The following AGAP1 variants were observed in gnomAD, a reference collection of about 807,000 sequenced individuals.
AGAP1 encodes ArfGAP with GTPase domain, ankyrin repeat and PH domain 1.
A neutral mutation model predicts 105.3 loss-of-function variants in AGAP1; 29 were observed. That is an observed-to-expected ratio of 0.28 (90% confidence interval 0.21 to 0.38). The LOEUF (loss-of-function observed/expected upper bound fraction) is 0.38, where lower values mean the gene tolerates loss of function less well. AGAP1 is among the 10% of genes least tolerant of loss of function. AGAP1 has a pLI of 1.00. For missense variants in AGAP1, 998 were observed against 1,165.1 expected (o/e 0.86, Z 2.09); for synonymous variants, 509 against 485.9 (o/e 1.05, Z -0.63).
In AGAP1 at chr2:235,888,999, G is replaced by A. The variant is rs1482723171; in HGVS notation, c.1155+5550G>A. Among the ~76,000 whole-genome samples, 1 of 152,178 alleles carries A rather than the reference G, an allele frequency of 6.6e-6. No individual in the cohort carries two copies. Among genetic ancestry groups the A allele is most frequent in the Non-Finnish European group, 1.5e-5 (1 of 68,040 alleles). ...GATGCCCTTAGGAAAAGATCTCCCT[G>A]AAGAGGTCATTTCTGTTCCTGAGGT... On this transcript the variant is annotated intron_variant, in intron 10 of 17. Coordinates refer to ENST00000304032, the MANE Select transcript of AGAP1 (RefSeq NM_001037131.3). This position sits in a 1 kb window ranked among gnomAD's most constrained non-coding sequence, Gnocchi z 4.8.
In AGAP1 at chr2:235,982,217, A is replaced by G. The variant is rs140890134; in HGVS notation, c.1645+13594A>G. Among the ~76,000 whole-genome samples, 61 of 152,346 alleles carry G rather than the reference A, an allele frequency of 4.0e-4. No individual in the cohort carries two copies. The East Asian group carries it at 0.01, about 26-fold the overall frequency. On this transcript the variant is annotated intron_variant, in intron 13 of 17. Transcript: ENST00000304032. The surrounding 1 kb of genome is among the most constrained non-coding windows in gnomAD (Gnocchi z 4.9). ...TAATTTTACCTGGACAAGTAAATCC[A>G]TTTCTCACATTTAAAGAGAATCAAA...
intron 12 of AGAP1, among the ~76,000 whole-genome samples, chr2:235,956,729 C>T (rs2053966343): frequency 6.6e-6 from 1 of 152,226 alleles, no homozygotes; most frequent in Non-Finnish European, 1.5e-5. Context: ...CAGCTCAAGA[C>T]TGGGACCTCC....
At chr2:236,048,220 GT>G (rs1559224797) in intron 15 of AGAP1, among the ~76,000 whole-genome samples, 1 of 152,218 alleles carries the variant, frequency 6.6e-6, no homozygotes, top group Non-Finnish European at 1.5e-5. Flanking sequence ...AGATTCTAGC[GT>G]GAAGTCAACC....
rs199729717 is a variant in AGAP1, at chr2:235,971,741, T to TTTTA, written c.1645+3161_1645+3164dup. Among the ~76,000 whole-genome samples the TTTTA allele has an allele frequency of 0.11, 16,154 of 145,644 alleles. 1,165 individuals carry two copies. Among genetic ancestry groups the TTTTA allele is most frequent in the African/African-American group, 0.21 (8,143 of 38,876 alleles). On this transcript the variant is annotated intron_variant, in intron 13 of 17. Coordinates refer to ENST00000304032, the MANE Select transcript of AGAP1 (RefSeq NM_001037131.3). This position sits in a 1 kb window ranked among gnomAD's most constrained non-coding sequence, Gnocchi z 4.8. ...ACTAAAGCTAGTTATATATGTTTTATTTTATTTATTTATTTATTTATTTAT... is the reference window on the plus strand; with the variant it reads ...ACTAAAGCTAGTTATATATGTTTTATTTTATTTATTTATTTATTTATTTATTTAT...
Position 236,083,902 on chromosome 2 carries a change from C to T in AGAP1, c.2114+34621C>T, listed in dbSNP as rs935565695. ...GTGCGTGTGTATGCACACACACGTGCACACATACACACACAGGCACACATA... is the reference window on the plus strand; with the variant it reads ...GTGCGTGTGTATGCACACACACGTGTACACATACACACACAGGCACACATA... On this transcript the variant is annotated intron_variant, in intron 16 of 17. Coordinates refer to ENST00000304032, the MANE Select transcript of AGAP1 (RefSeq NM_001037131.3). The surrounding 1 kb of genome is among the most constrained non-coding windows in gnomAD (Gnocchi z 5.3). Among the ~76,000 whole-genome samples the T allele has an allele frequency of 6.6e-6, 1 of 152,094 alleles. No individual in the cohort carries two copies. Among genetic ancestry groups the T allele is most frequent in the African/African-American group, 2.4e-5 (1 of 41,388 alleles).
In AGAP1 at chr2:235,733,646, T is replaced by G. The variant is rs987193957; in HGVS notation, c.311-7317T>G. Among the ~76,000 whole-genome samples the G allele has an allele frequency of 1.3e-5, 2 of 152,182 alleles. No homozygotes were observed. The highest frequency in any genetic ancestry group is 6.5e-5 in the Admixed American group (1 of 15,278). On this transcript the variant is annotated intron_variant, in intron 3 of 17. Coordinates refer to ENST00000304032, the MANE Select transcript of AGAP1 (RefSeq NM_001037131.3). The surrounding 1 kb of genome is among the most constrained non-coding windows in gnomAD (Gnocchi z 5.0). ...GTTCTGTGTTCCTTTTGTACCTTACTTAGATCTCGGTTAAATGAAACCATG... is the reference window on the plus strand; with the variant it reads ...GTTCTGTGTTCCTTTTGTACCTTACGTAGATCTCGGTTAAATGAAACCATG...
chr2:235,896,143 G>GT (rs2050797658), intron 10 of AGAP1, among the ~76,000 whole-genome samples: 1 of 152,104 alleles, frequency 6.6e-6, no homozygotes, highest in African/African-American at 2.4e-5. Context: ...CAGCATTCCA[G>GT]TTTCTGTCTC....
At chr2:235,929,615 C>T (rs1242961818) in intron 11 of AGAP1, among the ~76,000 whole-genome samples, 1 of 152,282 alleles carries the variant, frequency 6.6e-6, no homozygotes, top group Non-Finnish European at 1.5e-5. Context: ...GGTTCCGTGG[C>T]TTCCCAGTGC....
intron 9 of AGAP1, among the ~76,000 whole-genome samples, chr2:235,837,169 G>A (rs1015539099): frequency 6.6e-6 from 1 of 152,194 alleles, no homozygotes; most frequent in African/African-American, 2.4e-5. Context: ...ATTTTTAGTA[G>A]AGACAGGCTT....
chr2:236,029,071 A>G (rs531816303), intron 13 of AGAP1, among the ~76,000 whole-genome samples: 3 of 152,152 alleles, frequency 2.0e-5, no homozygotes, highest in East Asian at 1.9e-4. Flanking sequence ...ACAAGGCCCT[A>G]TGACATCGTA....
chr2:235,614,888 G>A lies in AGAP1; in HGVS notation c.164-94291G>A, dbSNP rs969044719. The stretch of plus-strand genomic sequence containing the variant: ...AGCTGAGATGTTTTCTCTACTCAGG[G>A]CCCAATGCCGTATGTGATATTTTAC... On this transcript the variant is annotated intron_variant, in intron 1 of 17. Coordinates refer to ENST00000304032, the MANE Select transcript of AGAP1 (RefSeq NM_001037131.3). This position sits in a 1 kb window ranked among gnomAD's most constrained non-coding sequence, Gnocchi z 4.7. Among the ~76,000 whole-genome samples, 1 of 152,102 alleles carries A rather than the reference G, an allele frequency of 6.6e-6. No individual in the cohort carries two copies. The highest frequency in any genetic ancestry group is 2.4e-5 in the African/African-American group (1 of 41,424).
At position 236,109,399 on chromosome 2, in the gene AGAP1, T is replaced by C. The variant is rs1024346869; in HGVS notation, c.2115-10793T>C. ...TTCATTCTAAAATTCCATGAATTATTATTCATCTTTGTAATTATTATAAAT... is the reference window on the plus strand; with the variant it reads ...TTCATTCTAAAATTCCATGAATTATCATTCATCTTTGTAATTATTATAAAT... On this transcript the variant is annotated intron_variant, in intron 16 of 17. Coordinates refer to ENST00000304032, the MANE Select transcript of AGAP1 (RefSeq NM_001037131.3). This position sits in a 1 kb window ranked among gnomAD's most constrained non-coding sequence, Gnocchi z 5.4. Among the ~76,000 whole-genome samples, 1 of 152,146 alleles carries C rather than the reference T, an allele frequency of 6.6e-6. No homozygotes were observed. The highest frequency in any genetic ancestry group is 2.4e-5 in the African/African-American group (1 of 41,440).
At chr2:235,920,668 A>C (rs549650672) in intron 11 of AGAP1, among the ~76,000 whole-genome samples, 2 of 152,342 alleles carry the variant, frequency 1.3e-5, no homozygotes, top group South Asian at 4.1e-4. Flanking sequence ...CACTAAAGCA[A>C]ACAGGAGGCA....
Position 235,919,886 on chromosome 2 carries a change from A to G in AGAP1, c.1325-10879A>G, listed in dbSNP as rs1423438069. ...TTGCATCAGCTTGTCCATATAACCCATACCAGGAGATGGATTGTGGCCAAG... is the reference window on the plus strand; with the variant it reads ...TTGCATCAGCTTGTCCATATAACCCGTACCAGGAGATGGATTGTGGCCAAG... On this transcript the variant is annotated intron_variant, in intron 11 of 17. Coordinates refer to ENST00000304032, the MANE Select transcript of AGAP1 (RefSeq NM_001037131.3). The surrounding 1 kb of genome is among the most constrained non-coding windows in gnomAD (Gnocchi z 4.1). Among the ~76,000 whole-genome samples, 1 of 152,188 alleles carries G rather than the reference A, an allele frequency of 6.6e-6. No homozygotes were observed. Among genetic ancestry groups the G allele is most frequent in the East Asian group, 1.9e-4 (1 of 5,186 alleles).
rs2059975800 is a variant in AGAP1 at position 236,124,680 on chromosome 2, C to T, written c.*558C>T. On this transcript the variant is annotated 3_prime_UTR_variant, in exon 18 of 18. Coordinates refer to ENST00000304032, the MANE Select transcript of AGAP1 (RefSeq NM_001037131.3). This position sits in a 1 kb window ranked among gnomAD's most constrained non-coding sequence, Gnocchi z 5.1. ...ATCTGTCCAGGGAGAATACTGGCTT[C>T]ATTACACTTGTACAGCCGAGTTCTT... 1 of 159,430 alleles carries T rather than the reference C, an allele frequency of 6.3e-6. No homozygotes were observed. The highest frequency in any genetic ancestry group is 1.4e-5 in the Non-Finnish European group (1 of 71,624). 9.9% of individuals were successfully genotyped at this position (159,430 alleles called of 1,614,324 possible).
At position 236,104,105 on chromosome 2, in the gene AGAP1, G is replaced by A. The variant is rs1399713345; in HGVS notation, c.2115-16087G>A. On this transcript the variant is annotated intron_variant, in intron 16 of 17. Transcript: ENST00000304032. This position sits in a 1 kb window ranked among gnomAD's most constrained non-coding sequence, Gnocchi z 4.7. ...GGTACTTCCCACTTGCATTTAGGTGGGGGGCCTTGGGCAGTGGGTCTGCCC... is the reference window on the plus strand; with the variant it reads ...GGTACTTCCCACTTGCATTTAGGTGAGGGGCCTTGGGCAGTGGGTCTGCCC... Among the ~76,000 whole-genome samples, 1 of 152,262 alleles carries A rather than the reference G, an allele frequency of 6.6e-6. No homozygotes were observed. The highest frequency in any genetic ancestry group is 1.5e-5 in the Non-Finnish European group (1 of 68,044).
intron 3 of AGAP1, among the ~76,000 whole-genome samples, chr2:235,730,674 A>G (rs1951897458): frequency 6.6e-6 from 1 of 152,060 alleles, no homozygotes; most frequent in Non-Finnish European, 1.5e-5. Flanking sequence ...TAAATGTATA[A>G]AATATTAAAA....
chr2:235,723,444 C>A lies in AGAP1; in HGVS notation c.310+5800C>A, dbSNP rs1306221753. 6.6e-6 allele frequency among the ~76,000 whole-genome samples: 1 copy of A among 152,154 alleles called. No homozygotes were observed. Among genetic ancestry groups the A allele is most frequent in the Non-Finnish European group, 1.5e-5 (1 of 68,026 alleles). On this transcript the variant is annotated intron_variant, in intron 3 of 17. Coordinates refer to ENST00000304032, the MANE Select transcript of AGAP1 (RefSeq NM_001037131.3). This position sits in a 1 kb window ranked among gnomAD's most constrained non-coding sequence, Gnocchi z 6.2. The stretch of plus-strand genomic sequence containing the variant: ...ATTAGATAGGAAATGTGGACCTGCC[C>A]AAGACACTTCACCCCCTGCAGGTGG...
Position 235,953,337 on chromosome 2 carries a change from G to A in AGAP1, c.1484-15125G>A, listed in dbSNP as rs572956693. Among the ~76,000 whole-genome samples the A allele has an allele frequency of 6.6e-6, 1 of 152,328 alleles. No individual in the cohort carries two copies. Among genetic ancestry groups the A allele is most frequent in the South Asian group, 2.1e-4 (1 of 4,826 alleles). Reference sequence around the variant, plus strand: ...TCTAACATAACAAAAGGTTACATGTGATGGCCAAGGGAAAAGAAAACGTAA... The same window carrying A: ...TCTAACATAACAAAAGGTTACATGTAATGGCCAAGGGAAAAGAAAACGTAA... On this transcript the variant is annotated intron_variant, in intron 12 of 17. Transcript: ENST00000304032. The surrounding 1 kb of genome is among the most constrained non-coding windows in gnomAD (Gnocchi z 5.2).
Sources: gnomAD v4.1 joint callset for allele counts (sites outside exome capture counted in the v4.1 genomes callset) on GRCh38, gnomAD v4.1.1 for gene constraint, Gnocchi (gnomAD v3.1) non-coding constraint, MANE v1.5 for transcripts, NCBI Gene and HGNC (gene_info 2026-07-23, HGNC 2026-07-21) for gene names.